ERC2: variants seen among roughly 807,000 people sequenced by gnomAD.
The protein encoded by ERC2 is ELKS/RAB6-interacting/CAST family member 2, also known as ERC protein 2.
In ERC2, 42 loss-of-function variants were observed where a neutral mutation model predicts 114.8. The observed-to-expected ratio is 0.37, with a 90% CI of 0.29 to 0.47. The LOEUF (loss-of-function observed/expected upper bound fraction) is 0.47, where lower values mean the gene tolerates loss of function less well. Among genes scored for constraint, ERC2 ranks in the 20% least tolerant of loss-of-function variants. ERC2 has a pLI of 0.99. For missense variants in ERC2, 939 were observed against 1,150.7 expected, an observed-to-expected ratio of 0.82 and a Z score of 2.66; for synonymous variants, 454 against 425.5, an observed-to-expected ratio of 1.07 and a Z score of -0.82.
chr3:56,211,452 G>C (rs1022348829), intron 3 of ERC2, among the ~76,000 whole-genome samples: 1 of 152,156 alleles, frequency 6.6e-6, no homozygotes, highest in Non-Finnish European at 1.5e-5. Flanking sequence ...AGAAATTACA[G>C]ACAGCACAAA....
chr3:56,447,747 T>C (rs1017333227), intron 1 of ERC2, among the ~76,000 whole-genome samples: 6 of 152,048 alleles, frequency 3.9e-5, no homozygotes, highest in African/African-American at 1.4e-4. Flanking sequence ...ACACGTTAAT[T>C]GATTTTTTTT....
chr3:55,665,044 T>A (rs1489912136), intron 17 of ERC2, among the ~76,000 whole-genome samples: 1 of 152,200 alleles, frequency 6.6e-6, no homozygotes, highest in Non-Finnish European at 1.5e-5. Context: ...ACAGCCACAT[T>A]CTTCTGCAGT....
At position 55,871,529 on chromosome 3, in the gene ERC2, T is replaced by C. The variant is rs185524669; in HGVS notation, c.2564+16860A>G. Reference sequence around the variant, plus strand: ...GTAGATAATGTGACCAATGATCAGTTCAAGTTCACACTCTGAAAGTTGTTT... The same window carrying C: ...GTAGATAATGTGACCAATGATCAGTCCAAGTTCACACTCTGAAAGTTGTTT... On this transcript the variant is annotated intron_variant, in intron 14 of 17. Transcript: ENST00000288221. Among the ~76,000 whole-genome samples, 910 of 152,272 alleles carry C rather than the reference T, an allele frequency of 6.0e-3. 5 individuals are homozygous for C. Among genetic ancestry groups the C allele is most frequent in the Non-Finnish European group, 8.0e-3 (545 of 68,016 alleles).
chr3:55,835,150 C>A (rs1274482826), intron 14 of ERC2, among the ~76,000 whole-genome samples: 3 of 152,112 alleles, frequency 2.0e-5, no homozygotes. Context: ...CAGATGGATT[C>A]ACAGCCGAAT....
chr3:56,386,185 C>T (rs1185014466), intron 2 of ERC2, among the ~76,000 whole-genome samples: 2 of 152,124 alleles, frequency 1.3e-5, no homozygotes, highest in Admixed American at 1.3e-4. Context: ...ACCTACACTG[C>T]AAAGCCACAG....
intron 17 of ERC2, among the ~76,000 whole-genome samples, chr3:55,669,501 C>A (rs924284934): frequency 4.6e-5 from 7 of 152,210 alleles, no homozygotes; most frequent in Non-Finnish European, 7.3e-5. Context: ...AGGGAAAAGA[C>A]AACTTTCACA....
chr3:55,770,049 A>G (rs2068083279), intron 14 of ERC2, among the ~76,000 whole-genome samples: 1 of 152,194 alleles, frequency 6.6e-6, no homozygotes, highest in African/African-American at 2.4e-5. Flanking sequence ...AATGGGATAT[A>G]AGAGAAAGTA....
rs189380483 is a variant in ERC2, at chr3:56,060,257, G to C, written c.1641+20560C>G. ...GCACATGAAGATTTCTATATCCACA[G>C]ATAATGGTTAAGAGTAAAATCCAGA... is the stretch of plus-strand genomic sequence containing the variant. On this transcript the variant is annotated intron_variant, in intron 7 of 17. Coordinates refer to ENST00000288221, the MANE Select transcript of ERC2 (RefSeq NM_015576.3). Among the ~76,000 whole-genome samples, 353 of 152,282 alleles carry C rather than the reference G, an allele frequency of 2.3e-3. 5 individuals carry two copies. Among genetic ancestry groups the C allele is most frequent in the South Asian group, 5.4e-3 (26 of 4,830 alleles).
intron 3 of ERC2, among the ~76,000 whole-genome samples, chr3:56,185,443 A>G (rs1445969179): frequency 6.6e-6 from 1 of 152,176 alleles, no homozygotes; most frequent in Non-Finnish European, 1.5e-5. Context: ...AAGCCCACTA[A>G]AAGAGGGAAA....
At chr3:55,576,945 A>T (rs954853401) in intron 17 of ERC2, among the ~76,000 whole-genome samples, 18 of 152,150 alleles carry the variant, frequency 1.2e-4, no homozygotes, top group African/African-American at 4.3e-4. Context: ...TCCAGAGGAG[A>T]GTCTTGCCGT....
At chr3:56,205,944 A>C (rs1220491869) in intron 3 of ERC2, among the ~76,000 whole-genome samples, 1 of 152,046 alleles carries the variant, frequency 6.6e-6, no homozygotes, top group Non-Finnish European at 1.5e-5. Flanking sequence ...TGGCCATAAG[A>C]CTCAACACTA....
intron 7 of ERC2, among the ~76,000 whole-genome samples, chr3:56,024,334 C>T (rs569658535): frequency 6.6e-6 from 1 of 152,288 alleles, no homozygotes; most frequent in African/African-American, 2.4e-5. Context: ...CTGTCCCACT[C>T]GTTCTCTTTG....
intron 2 of ERC2, among the ~76,000 whole-genome samples, chr3:56,413,662 A>G (rs1367990536): frequency 1.3e-5 from 2 of 152,174 alleles, no homozygotes; most frequent in African/African-American, 2.4e-5. Flanking sequence ...ACAAATTTAT[A>G]TTACCTTCTG....
At position 56,402,246 on chromosome 3, in the gene ERC2, C is replaced by T. The variant is rs118002465; in HGVS notation, c.657+32105G>A. ...CAGTTCTGCAGCTATATTTATAATGCACTTTTAATTACATGCAAATTAAGG... is the reference window on the plus strand; with the variant it reads ...CAGTTCTGCAGCTATATTTATAATGTACTTTTAATTACATGCAAATTAAGG... On this transcript the variant is annotated intron_variant, in intron 2 of 17. Coordinates refer to ENST00000288221, the MANE Select transcript of ERC2 (RefSeq NM_015576.3). 5.3e-5 allele frequency among the ~76,000 whole-genome samples: 8 copies of T among 152,240 alleles called. No homozygotes were observed. In the East Asian group the frequency reaches 1.5e-3, roughly 29 times the overall value.
intron 3 of ERC2, among the ~76,000 whole-genome samples, chr3:56,292,702 G>T (rs1422750609): frequency 6.6e-6 from 1 of 152,158 alleles, no homozygotes; most frequent in African/African-American, 2.4e-5. Context: ...TGTTAGCAGT[G>T]TGACATTGGG....
chr3:56,398,918 T>C lies in ERC2; in HGVS notation c.657+35433A>G, dbSNP rs578209393. Among the ~76,000 whole-genome samples the C allele has an allele frequency of 3.3e-5, 5 of 152,350 alleles. No homozygotes were observed. The East Asian group carries it at 9.6e-4, about 29-fold the overall frequency. On this transcript the variant is annotated intron_variant, in intron 2 of 17. Transcript: ENST00000288221. Reference sequence around the variant, plus strand: ...ATAGGCATGAGCCACCATGCATGGCTGCATCCTGTATTTTTATTTGCTAGA... The same window carrying C: ...ATAGGCATGAGCCACCATGCATGGCCGCATCCTGTATTTTTATTTGCTAGA...
chr3:56,372,134 C>T (rs2059383298), intron 2 of ERC2, among the ~76,000 whole-genome samples: 1 of 152,220 alleles, frequency 6.6e-6, no homozygotes, highest in Non-Finnish European at 1.5e-5. Context: ...GTATTTCATG[C>T]TTTCAAATTC....
At chr3:56,436,522 T>G (rs575464742) in intron 1 of ERC2, among the ~76,000 whole-genome samples, 101 of 152,306 alleles carry the variant, frequency 6.6e-4, no homozygotes, top group African/African-American at 2.3e-3. Context: ...CTGTCACTAT[T>G]TTCCTTAGAG....
chr3:56,288,817 T>G (rs2054892972), intron 3 of ERC2, among the ~76,000 whole-genome samples: 1 of 152,114 alleles, frequency 6.6e-6, no homozygotes, highest in Admixed American at 6.5e-5. Flanking sequence ...TCAATGAAAA[T>G]TCCACATAAT....
Sources: allele counts gnomAD v4.1 joint callset (sites outside exome capture counted in the v4.1 genomes callset), GRCh38; gene constraint gnomAD v4.1.1; transcripts MANE v1.5; gene names NCBI Gene and HGNC (gene_info 2026-07-23, HGNC 2026-07-21).